The following SBF2 variants were observed in gnomAD, a reference collection of about 807,000 sequenced individuals.
SBF2 encodes myotubularin-related protein 13.
In SBF2, 112 loss-of-function variants were observed where a neutral mutation model predicts 225.2. The observed-to-expected ratio is 0.50, with a 90% CI of 0.43 to 0.58. SBF2 has a LOEUF of 0.58. Among genes scored for constraint, SBF2 ranks in the 20% least tolerant of loss-of-function variants. The pLI is 0.00. For synonymous variants in SBF2, 763 were observed against 773.3 expected (o/e 0.99, Z 0.22); for missense variants, 1,996 against 2,206.2 (o/e 0.90, Z 1.91).
At chr11:9,831,921 C>T (rs1855423596) in intron 27 of SBF2, among the ~76,000 whole-genome samples, 1 of 152,144 alleles carries the variant, frequency 6.6e-6, no homozygotes, top group Non-Finnish European at 1.5e-5. Context: ...AACCTAGTTT[C>T]CATCTGTGAA....
At chr11:9,842,850 T>C (rs997296290) in intron 24 of SBF2, 80 bp from the exon 25 acceptor site, 1 of 1,429,230 alleles carries the variant, frequency 7.0e-7, no homozygotes, top group Non-Finnish European at 9.8e-7. Flanking sequence ...TTAGCTCAAA[T>C]TGTTTCTTCT....
At chr11:10,041,235 ACT>A (rs1949640696) in intron 3 of SBF2, among the ~76,000 whole-genome samples, 1 of 152,042 alleles carries the variant, frequency 6.6e-6, no homozygotes, top group Non-Finnish European at 1.5e-5. Context: ...GCTAGAGAAC[ACT>A]CTCTAACTTA....
At chr11:10,032,313 A>C (rs61877049) in intron 3 of SBF2, among the ~76,000 whole-genome samples, 30,737 of 151,980 alleles carry the variant, frequency 0.2, 3,974 homozygotes, top group Non-Finnish European at 0.3. Flanking sequence ...TACCTCCTCT[A>C]TTGCTACCAT....
intron 2 of SBF2, among the ~76,000 whole-genome samples, chr11:10,102,308 T>C (rs1018627551): frequency 4.6e-5 from 7 of 152,248 alleles, no homozygotes; most frequent in Non-Finnish European, 1.0e-4. Context: ...TCTGCACTTC[T>C]GTCTGATGTC....
chr11:10,299,003 G>T (rs1201823273), upstream of SBF2, among the ~76,000 whole-genome samples: 1 of 152,162 alleles, frequency 6.6e-6, no homozygotes, highest in Non-Finnish European at 1.5e-5. Context: ...TCTACCTTGA[G>T]TGTGTGTTTG....
upstream of SBF2, among the ~76,000 whole-genome samples, chr11:10,296,576 G>A (rs1964551664): frequency 6.6e-6 from 1 of 152,148 alleles, no homozygotes; most frequent in South Asian, 2.1e-4. Flanking sequence ...AAATTTGGGT[G>A]AGGACACAGC....
chr11:10,004,167 C>T (rs1948090000), intron 6 of SBF2, among the ~76,000 whole-genome samples: 1 of 151,974 alleles, frequency 6.6e-6, no homozygotes, highest in Admixed American at 6.6e-5. Context: ...AATCTACCCT[C>T]CAGATAGTTT....
At chr11:10,177,018 G>C (rs1956496290) in intron 2 of SBF2, among the ~76,000 whole-genome samples, 1 of 151,868 alleles carries the variant, frequency 6.6e-6, no homozygotes, top group African/African-American at 2.4e-5. Context: ...TCATCCCTGG[G>C]ATGCAAGGCT....
rs535879684 is a variant in SBF2, at chr11:9,793,670, C to T, written c.4570+2161G>A. On this transcript the variant is annotated intron_variant, in intron 33 of 39. Coordinates refer to ENST00000256190, the MANE Select transcript of SBF2 (RefSeq NM_030962.4). ...CTCCTCAAAGTGCTGGGATTACAGG[C>T]GTGAACCACCGTGCCTGGCCTTACC... Among the ~76,000 whole-genome samples the T allele has an allele frequency of 5.9e-5, 9 of 152,130 alleles. No homozygotes were observed. In the East Asian group the frequency reaches 9.7e-4, roughly 16 times the overall value.
chr11:10,004,365 G>A (rs1948096159), intron 6 of SBF2, among the ~76,000 whole-genome samples: 1 of 151,880 alleles, frequency 6.6e-6, no homozygotes, highest in Admixed American at 6.6e-5. Flanking sequence ...CAGTGGAAAT[G>A]AATGAGCTAG....
intron 17 of SBF2, among the ~76,000 whole-genome samples, chr11:9,858,681 G>T (rs1426946460): frequency 6.6e-6 from 1 of 152,102 alleles, no homozygotes; most frequent in African/African-American, 2.4e-5. Flanking sequence ...AGGAAAAGGA[G>T]GCACTGTAGG....
At chr11:9,896,497 G>T (rs1395863946) in intron 16 of SBF2, among the ~76,000 whole-genome samples, 2 of 151,988 alleles carry the variant, frequency 1.3e-5, no homozygotes, top group African/African-American at 4.8e-5. Flanking sequence ...TATATAAAAA[G>T]GGTTATCTTT....
Position 9,833,253 on chromosome 11 carries a change from T to C in SBF2, c.3456-833A>G, listed in dbSNP as rs1055350300. 9.8e-5 allele frequency among the ~76,000 whole-genome samples: 15 copies of C among 152,320 alleles called. 1 individual carries two copies. The South Asian group carries it at 3.1e-3, about 32-fold the overall frequency. On this transcript the variant is annotated intron_variant, in intron 26 of 39. Coordinates refer to ENST00000256190, the MANE Select transcript of SBF2 (RefSeq NM_030962.4). ...AAGATTAGCTTATAAAGTTACAGGA[T>C]ATGATGCTGGGAAAATAACATGTAA...
chr11:9,785,502 T>C (rs890535828), intron 36 of SBF2, among the ~76,000 whole-genome samples, 184 bp from the exon 37 acceptor site: 1 of 152,148 alleles, frequency 6.6e-6, no homozygotes, highest in African/African-American at 2.4e-5. Context: ...TACACGTCCA[T>C]TATTAGGGAC....
chr11:9,902,126 C>G (rs1376209343), intron 16 of SBF2, among the ~76,000 whole-genome samples: 2 of 152,162 alleles, frequency 1.3e-5, no homozygotes, highest in African/African-American at 2.4e-5. Context: ...TGCAGCCAGG[C>G]CTTCCCTTTC....
At chr11:9,908,555 A>G (rs1276676437) in intron 16 of SBF2, among the ~76,000 whole-genome samples, 1 of 152,074 alleles carries the variant, frequency 6.6e-6, no homozygotes, top group Admixed American at 6.6e-5. Flanking sequence ...TGAACCCGGG[A>G]GGCGGAGCTT....
chr11:10,188,480 A>G (rs1451304278), intron 2 of SBF2, among the ~76,000 whole-genome samples: 1 of 152,220 alleles, frequency 6.6e-6, no homozygotes, highest in African/African-American at 2.4e-5. Flanking sequence ...CTAGCATGAC[A>G]AGAAAACTTT....
At chr11:9,919,509 G>A (rs1040579150) in intron 16 of SBF2, among the ~76,000 whole-genome samples, 1 of 151,922 alleles carries the variant, frequency 6.6e-6, no homozygotes, top group Non-Finnish European at 1.5e-5. Context: ...TGCGTGAGAG[G>A]GTCGTGATCG....
At chr11:10,014,542 C>T (rs1307891373) in intron 6 of SBF2, among the ~76,000 whole-genome samples, 4 of 139,328 alleles carry the variant, frequency 2.9e-5, no homozygotes, top group Admixed American at 2.2e-4. Context: ...AAATGGAGTT[C>T]ACTATTTGTT....
Sources: allele counts gnomAD v4.1 joint callset (sites outside exome capture counted in the v4.1 genomes callset), GRCh38; gene constraint gnomAD v4.1.1; transcripts MANE v1.5; gene names NCBI Gene and HGNC (gene_info 2026-07-23, HGNC 2026-07-21).